Variants in VPS51 observed in about 807,000 individuals in gnomAD.
VPS51 encodes vacuolar protein sorting-associated protein 51 homolog.
VPS51 carries 55 observed loss-of-function variants against 65.1 expected under a neutral mutation model. The ratio of observed to expected loss-of-function variants is 0.84; its 90% confidence interval spans 0.68 to 1.06. The LOEUF (loss-of-function observed/expected upper bound fraction) is 1.06, where lower values mean the gene tolerates loss of function less well. VPS51 is among the 50% of genes least tolerant of loss of function. The pLI is 0.00. For synonymous variants in VPS51, 473 were observed against 489.5 expected, an observed-to-expected ratio of 0.97 and a Z score of 0.44; for missense variants, 943 against 1,101.6, an observed-to-expected ratio of 0.86 and a Z score of 2.04.
At chr11:65,101,852 G>A (rs2137183069) in intron 2 of VPS51, among the ~76,000 whole-genome samples, 1 of 147,528 alleles carries the variant, frequency 6.8e-6, no homozygotes, top group Non-Finnish European at 1.5e-5. Context: ...ATTTCACAAA[G>A]GGAGCACAGT....
intron 2 of VPS51, among the ~76,000 whole-genome samples, chr11:65,103,601 A>G (rs2137184887): frequency 6.6e-6 from 1 of 152,148 alleles, no homozygotes; most frequent in Middle Eastern, 3.4e-3. Context: ...TTCTTGTCAA[A>G]TTGACATCAA....
intron 9 of VPS51, chr11:65,111,087 G>C: frequency 1.3e-6 from 1 of 741,396 alleles, no homozygotes; most frequent in Non-Finnish European, 2.4e-6. Flanking sequence ...GTTCACCCAT[G>C]GTCCCTGCCC....
chr11:65,097,185 G>T, intron 2 of VPS51, 58 bp downstream of exon 2: 3 of 1,608,036 alleles, frequency 1.9e-6, no homozygotes, highest in Non-Finnish European at 2.5e-6. Context: ...TCCCACCTGT[G>T]TTGGGAAAAC....
At chr11:65,110,022 T>A in intron 7 of VPS51, 99 bp downstream of exon 7, 1 of 1,271,190 alleles carries the variant, frequency 7.9e-7, no homozygotes, top group Non-Finnish European at 1.1e-6. Context: ...AGTCCCTGCC[T>A]GGAGGAGGGG....
In VPS51 at chr11:65,109,835, C is replaced by T. The variant is rs1216325980; in HGVS notation, c.1790C>T (p.Thr597Ile). The stretch of plus-strand genomic sequence containing the variant: ...CAGATGCTGCGCAAGAGCGTGGAGA[C>T]TCGCGACTGGCTCAGCACTCTGGAG... Reference protein sequence around the residue: ...ISQMLRKSVETRDWLSTLEPR... With the variant: ...ISQMLRKSVEIRDWLSTLEPR... The change falls in exon 7 of 10, where the codon ACT (threonine) becomes ATT (isoleucine). Residue 597 changes from threonine to isoleucine, a missense_variant. Coordinates refer to ENST00000279281, the MANE Select transcript of VPS51 (RefSeq NM_013265.4). 1 of 1,611,944 alleles carries T rather than the reference C, an allele frequency of 6.2e-7. No individual in the cohort carries two copies. Among genetic ancestry groups the T allele is most frequent in the Non-Finnish European group, 8.5e-7 (1 of 1,179,620 alleles).
intron 4 of VPS51, 59 bp from the exon 5 acceptor site, chr11:65,108,138 C>T: frequency 6.4e-7 from 1 of 1,571,416 alleles, no homozygotes; most frequent in Non-Finnish European, 8.6e-7. Flanking sequence ...TGCTTTCCTG[C>T]TCCTGCCCCA....
At chr11:65,096,518 G>GGGGGGGGGGGC in intron 1 of VPS51, 40 bp downstream of exon 1, 22 of 499,398 alleles carry the variant, frequency 4.4e-5, no homozygotes, top group Middle Eastern at 6.0e-4. Context: ...GGGGAGGGGG[G>GGGGGGGGGGGC]AAGGGAACCA....
intron 2 of VPS51, among the ~76,000 whole-genome samples, chr11:65,101,883 C>G (rs1199497655): frequency 2.0e-5 from 3 of 151,102 alleles, no homozygotes; most frequent in East Asian, 1.9e-4. Context: ...GCATCCAGGT[C>G]GGGAAACAGC....
In VPS51 at chr11:65,108,632, C is replaced by T. The variant is rs765044804; in HGVS notation, c.1161C>T (p.Ala387=). The T allele has an allele frequency of 1.5e-5, 23 of 1,530,044 alleles. No homozygotes were observed. In the South Asian group the frequency reaches 2.5e-4, roughly 17 times the overall value. The allele number at this position is 1,530,044 out of a possible 1,614,324, so 94.8% of individuals were successfully genotyped here. A position where few individuals can be genotyped will look rare whatever the true frequency, so the allele number is the denominator to read the frequency against. The change falls in exon 5 of 10, where the codon GCC becomes GCT. Residue 387 remains alanine (A), a synonymous_variant. Coordinates refer to ENST00000279281, the MANE Select transcript of VPS51 (RefSeq NM_013265.4). ...RRLRAPGALL[A]AAGLADAATE... is the part of the protein sequence containing the mutation. ...TGCGGGCTCCCGGGGCCCTGCTGGCCGCTGCCGGGCTCGCAGACGCTGCCA... is the reference window on the plus strand; with the variant it reads ...TGCGGGCTCCCGGGGCCCTGCTGGCTGCTGCCGGGCTCGCAGACGCTGCCA...
intron 2 of VPS51, among the ~76,000 whole-genome samples, chr11:65,105,163 G>T (rs1482280359): frequency 1.3e-5 from 2 of 152,094 alleles, no homozygotes; most frequent in Non-Finnish European, 2.9e-5. Context: ...ACTTTGGGAG[G>T]CCGAGGCGGG....
At chr11:65,111,075 C>G in intron 9 of VPS51, 1 of 720,626 alleles carries the variant, frequency 1.4e-6, no homozygotes, top group Non-Finnish European at 2.4e-6. Context: ...CCAGGGTTTT[C>G]TGTTCACCCA....
At chr11:65,099,920 T>C (rs1386866738) in intron 2 of VPS51, among the ~76,000 whole-genome samples, 3 of 152,152 alleles carry the variant, frequency 2.0e-5, no homozygotes, top group Non-Finnish European at 4.4e-5. Flanking sequence ...CTGGCCAATA[T>C]GGTGAAACCC....
In VPS51 at chr11:65,108,788, C is replaced by T. The variant is rs1303738792; in HGVS notation, c.1317C>T (p.Gly439=). 7 of 1,612,754 alleles carry T rather than the reference C, an allele frequency of 4.3e-6. No individual in the cohort carries two copies. In the East Asian group the frequency reaches 1.1e-4, roughly 26 times the overall value. The change falls in exon 5 of 10, where the codon GGC becomes GGT. Residue 439 remains glycine (G), a synonymous_variant. Coordinates refer to ENST00000279281, the MANE Select transcript of VPS51 (RefSeq NM_013265.4). ...CACCTCGCGTGGCTGGGAAGGAGGGCCCTGGCCTGGCCGAGTTGCTGGCCA... is the reference window on the plus strand; with the variant it reads ...CACCTCGCGTGGCTGGGAAGGAGGGTCCTGGCCTGGCCGAGTTGCTGGCCA... ...LAAPRVAGKE[G]PGLAELLANV... is the part of the protein sequence containing the mutation.
intron 1 of VPS51, 27 bp downstream of exon 1, chr11:65,096,505 T>TGGGGGGGGG: frequency 8.1e-6 from 3 of 371,820 alleles, no homozygotes; most frequent in Non-Finnish European, 1.4e-5. Flanking sequence ...AGTGGGGGGG[T>TGGGGGGGGG]GCGGGGAGGG....
At chr11:65,098,486 A>C (rs143859255) in intron 2 of VPS51, among the ~76,000 whole-genome samples, 1 of 152,172 alleles carries the variant, frequency 6.6e-6, no homozygotes, top group African/African-American at 2.4e-5. Flanking sequence ...TACTACTCAG[A>C]CTTTTGTAGT....
chr11:65,100,193 T>C (rs1445985704), intron 2 of VPS51, among the ~76,000 whole-genome samples: 1 of 152,180 alleles, frequency 6.6e-6, no homozygotes, highest in Non-Finnish European at 1.5e-5. Context: ...AAAAATCTAG[T>C]GTTCAGAACA....
Position 65,096,231 on chromosome 11 carries a change from C to A in VPS51, c.-20C>A, listed in dbSNP as rs999913169. 1.3e-6 allele frequency: 2 copies of A among 1,525,602 alleles called. No homozygotes were observed. Among genetic ancestry groups the A allele is most frequent in the Admixed American group, 2.1e-5 (1 of 47,618 alleles). 94.5% of individuals were successfully genotyped at this position (1,525,602 alleles called of 1,614,324 possible). On this transcript the variant is annotated 5_prime_UTR_variant, in exon 1 of 10. Transcript: ENST00000279281. ...TCCCCTTCCTTTCCAGCCTCACGCC[C>A]GTGGGCTGCAGTTGGAACGATGGCG...
In VPS51 at chr11:65,108,809, G is replaced by A; in HGVS notation, c.1338G>A (p.Leu446=). The A allele has an allele frequency of 1.2e-6, 2 of 1,612,902 alleles. No individual in the cohort carries two copies. Residue 446 remains leucine, a synonymous_variant, in exon 5 of 10, where the codon CTG becomes CTA. Transcript: ENST00000279281. ...AGGGCCCTGGCCTGGCCGAGTTGCT[G>A]GCCAATGTGGCCAGCTCCATCCTGA... ...GKEGPGLAEL[L]ANVASSILSH...
chr11:65,110,557 A>G lies in VPS51; in HGVS notation c.1954A>G (p.Ser652Gly), dbSNP rs147082259. The G allele has an allele frequency of 1.2e-6, 2 of 1,613,890 alleles. No homozygotes were observed. The highest frequency in any genetic ancestry group is 1.3e-5 in the African/African-American group (1 of 74,922). ...CAGCAAGAGGACTTTCTCCGTGTAC[A>G]GCAGCTCTCGGCAGCAGGGCCGCTA... ...DSSKRTFSVY[S>G]SSRQQGRYAP... The change falls in exon 8 of 10, where the codon AGC becomes GGC. Residue 652 changes from serine to glycine, a missense_variant. By Grantham distance (56) the Ser-to-Gly change is moderately conservative. Transcript: ENST00000279281.
Sources: gnomAD v4.1 joint callset for allele counts (sites outside exome capture counted in the v4.1 genomes callset) on GRCh38, gnomAD v4.1.1 for gene constraint, MANE v1.5 for transcripts, NCBI Gene and HGNC (gene_info 2026-07-23, HGNC 2026-07-21) for gene names.